MRPS10: variants seen among roughly 807,000 people sequenced by gnomAD.
MRPS10 encodes the protein small ribosomal subunit protein uS10m.
Under a neutral mutation model 27.5 loss-of-function variants are expected in MRPS10, and 23 were observed. The ratio of observed to expected loss-of-function variants is 0.84; its 90% CI spans 0.60 to 1.18. The LOEUF is 1.18. Among genes scored for constraint, MRPS10 ranks in the 50% most tolerant of loss-of-function variants. The pLI is 0.00. For missense variants in MRPS10, 237 were observed against 240.1 expected, an observed-to-expected ratio of 0.99 and a Z score of 0.09; for synonymous variants, 88 against 84.2, an observed-to-expected ratio of 1.04 and a Z score of -0.25.
chr6:42,214,212 G>A lies in MRPS10; in HGVS notation c.114-20C>T, dbSNP rs774514939. On this transcript the variant is annotated intron_variant, in intron 2 of 6. Transcript: ENST00000053468. ...GTACTGCTATGTGTGGGGAAAAAAA[G>A]AGAAACCTAAGTAAAATAGCACAAG... 6.2e-7 allele frequency: 1 copy of A among 1,610,076 alleles called. No individual in the cohort carries two copies. Among genetic ancestry groups the A allele is most frequent in the Admixed American group, 1.7e-5 (1 of 59,718 alleles).
chr6:42,216,413 T>TGTGTGTGTGTGTGTGTGTGTGTGTG (rs371361467), intron 1 of MRPS10, among the ~76,000 whole-genome samples: 21 of 128,442 alleles, frequency 1.6e-4, no homozygotes, highest in South Asian at 2.6e-4. Context: ...TGTGTGTGTG[T>TGTGTGTGTGTGTGTGTGTGTGTGTG]TGGGGGAGTG....
At chr6:42,209,556 T>C (rs1036527378) in intron 5 of MRPS10, among the ~76,000 whole-genome samples, 2 of 151,846 alleles carry the variant, frequency 1.3e-5, no homozygotes, top group African/African-American at 4.8e-5. Context: ...AAGACCAGCC[T>C]GACCAATATG....
chr6:42,208,409 T>A, intron 6 of MRPS10, 37 bp from the exon 7 acceptor site: 2 of 1,431,224 alleles, frequency 1.4e-6, no homozygotes, highest in Non-Finnish European at 1.9e-6. Flanking sequence ...AATGTGGATT[T>A]AACAGAACTC....
Position 42,208,014 on chromosome 6 carries a change from G to C in MRPS10, c.*275C>G. 4.8e-6 allele frequency: 2 copies of C among 412,696 alleles called. No individual in the cohort carries two copies. Among genetic ancestry groups the C allele is most frequent in the Non-Finnish European group, 8.6e-6 (2 of 233,642 alleles). The allele number at this position is 412,696 out of a possible 1,614,324, so 25.6% of individuals were successfully genotyped here. ...AAACTAATAATTGAACACCAGTAGC[G>C]TAACAAAATAGAATTTTCACTCTTT... On this transcript the variant is annotated 3_prime_UTR_variant, in exon 7 of 7. Transcript: ENST00000053468.
intron 3 of MRPS10, among the ~76,000 whole-genome samples, 150 bp downstream of exon 3, chr6:42,213,967 GAGT>G (rs1372008260): frequency 1.3e-5 from 2 of 152,122 alleles, no homozygotes; most frequent in Non-Finnish European, 2.9e-5. Flanking sequence ...ATAATCCAGG[GAGT>G]TAAGAGAATA....
At chr6:42,213,991 G>A (rs1381884679) in intron 3 of MRPS10, 129 bp downstream of exon 3, 2 of 623,228 alleles carry the variant, frequency 3.2e-6, no homozygotes, top group Non-Finnish European at 2.8e-6. Context: ...TATGCGTTGT[G>A]CATTTGCCAG....
At position 42,211,901 on chromosome 6, in the gene MRPS10, T is replaced by C. The variant is rs1372644036; in HGVS notation, c.203A>G (p.Glu68Gly). The C allele has an allele frequency of 8.1e-6, 13 of 1,611,874 alleles. No homozygotes were observed. Among genetic ancestry groups the C allele is most frequent in the South Asian group, 1.1e-5 (1 of 90,378 alleles). Residue 68 changes from glutamate (E) to glycine (G), a missense_variant, in exon 4 of 7, where the codon GAA (glutamate) becomes GGA (glycine). By Grantham distance (98) the Glu-to-Gly change is moderately conservative. This residue lies in a region of MRPS10 where 164 missense variants were observed against 137.8 expected (regional missense o/e 1.19). Transcript: ENST00000053468. ...GAGGCGCTTATATAATATGTCTGGT[T>C]CATCAGAGATTGTTACCTAAAATCC... ...LTKPVVTISD[E>G]PDILYKRLSV...
intron 1 of MRPS10, among the ~76,000 whole-genome samples, chr6:42,215,756 C>T (rs1768906787): frequency 6.6e-6 from 1 of 152,114 alleles, no homozygotes; most frequent in African/African-American, 2.4e-5. Context: ...AGCTTATTGT[C>T]CTTCCTCTCC....
At chr6:42,211,341 T>C (rs1018234327) in intron 4 of MRPS10, among the ~76,000 whole-genome samples, 5 of 152,072 alleles carry the variant, frequency 3.3e-5, no homozygotes, top group African/African-American at 4.8e-5. Flanking sequence ...GGATAACATA[T>C]GACAAACTTA....
chr6:42,216,016 T>TTTTTC (rs1554189164), intron 1 of MRPS10, among the ~76,000 whole-genome samples: 5 of 31,048 alleles, frequency 1.6e-4, no homozygotes, highest in Non-Finnish European at 5.5e-4. Flanking sequence ...TTTTCTTTTT[T>TTTTTC]TTTTCTTTTC....
chr6:42,214,296 T>C lies in MRPS10; in HGVS notation c.97A>G (p.Asn33Asp). The C allele has an allele frequency of 1.2e-6, 2 of 1,613,212 alleles. No homozygotes were observed. The highest frequency in any genetic ancestry group is 1.7e-6 in the Non-Finnish European group (2 of 1,179,466). Residue 33 changes from asparagine to aspartate, a missense_variant, in exon 2 of 7, where the codon AAT becomes GAT. Asn to Asp is a conservative substitution (Grantham distance 23). Around this residue, in one of 3 missense-constraint regions of MRPS10, gnomAD observed 164 missense variants for 137.8 expected, o/e 1.19. Coordinates refer to ENST00000053468, the MANE Select transcript of MRPS10 (RefSeq NM_018141.4). The stretch of plus-strand genomic sequence containing the variant: ...TATACTTACAGAAGCAAGCCACCAT[T>C]TTTGGCTGTATTGCCCTTAGAAGTG... ...VNTSKGNTAK[N>D]GGLLLSTNMK...
Position 42,207,607 on chromosome 6 carries a change from G to A in MRPS10, c.*682C>T, listed in dbSNP as rs1768643644. 1 of 152,284 alleles carries A rather than the reference G, an allele frequency of 6.6e-6. No individual in the cohort carries two copies. Among genetic ancestry groups the A allele is most frequent in the East Asian group, 1.9e-4 (1 of 5,180 alleles). The allele number at this position is 152,284 out of a possible 1,614,324, so 9.4% of individuals were successfully genotyped here. A position where few individuals can be genotyped will look rare whatever the true frequency, so the allele number is the denominator to read the frequency against. On this transcript the variant is annotated 3_prime_UTR_variant, in exon 7 of 7. Transcript: ENST00000053468. ...TGGATGTAAAGTTTATGCAGTAAAA[G>A]CTTATTGAATGAATGAATCATAGGA... is the stretch of plus-strand genomic sequence containing the variant.
intron 1 of MRPS10, among the ~76,000 whole-genome samples, chr6:42,216,385 A>AGAGAGAGAGAGAGTGAGTGTGTGTGT: frequency 1.7e-5 from 1 of 58,642 alleles, no homozygotes. Flanking sequence ...AGAGAGAGAG[A>AGAGAGAGAGAGAGTGAGTGTGTGTGT]GTGTGTGTGT....
intron 5 of MRPS10, among the ~76,000 whole-genome samples, chr6:42,209,599 T>C (rs372580228): frequency 1.8e-4 from 28 of 151,830 alleles, no homozygotes; most frequent in Non-Finnish European, 4.0e-4. Flanking sequence ...AATACAAAAA[T>C]TAGCCAGGCG....
chr6:42,211,150 A>T (rs1768759480), intron 4 of MRPS10, among the ~76,000 whole-genome samples: 1 of 152,242 alleles, frequency 6.6e-6, no homozygotes, highest in Non-Finnish European at 1.5e-5. Context: ...TCCAAGGCTT[A>T]CCTTGTTCAA....
intron 1 of MRPS10, among the ~76,000 whole-genome samples, chr6:42,216,889 G>A (rs1562075662): frequency 6.6e-6 from 1 of 152,106 alleles, no homozygotes; most frequent in Non-Finnish European, 1.5e-5. Context: ...CACTTTCAGG[G>A]GATCCGGGAA....
chr6:42,216,359 TGAGAGAGAGAGA>T lies in MRPS10; in HGVS notation c.48+1431_48+1442del, dbSNP rs373981686. 5.0e-4 allele frequency among the ~76,000 whole-genome samples: 29 copies of T among 58,236 alleles called. 1 individual carries two copies. The highest frequency in any genetic ancestry group is 1.3e-3 in the African/African-American group (29 of 22,186). The allele number at this position is 58,236 out of a possible 152,430, so 38.2% of individuals were successfully genotyped here. A position where few individuals can be genotyped will look rare whatever the true frequency, so the allele number is the denominator to read the frequency against. On this transcript the variant is annotated intron_variant, in intron 1 of 6. Transcript: ENST00000053468. ...AATTGCATTTTTTCTTTGTATTTCTTGAGAGAGAGAGAGAGAGAGAGAGAGAGTGTGTGTGTG... is the reference window on the plus strand; with the variant it reads ...AATTGCATTTTTTCTTTGTATTTCTTGAGAGAGAGAGAGAGTGTGTGTGTG...
At chr6:42,211,975 T>C (rs1463607202) in intron 3 of MRPS10, 58 bp from the exon 4 acceptor site, 1 of 1,508,418 alleles carries the variant, frequency 6.6e-7, no homozygotes, top group African/African-American at 1.4e-5. Context: ...AACTAGCAAA[T>C]TTAAAACATT....
chr6:42,207,671 C>G lies in MRPS10; in HGVS notation c.*618G>C, dbSNP rs1449812724. ...TAGTAATTTCTTAAGATCATAAATT[C>G]CATTACAGTAACCCTGGTAGGCAAC... is the stretch of plus-strand genomic sequence containing the variant. On this transcript the variant is annotated 3_prime_UTR_variant, in exon 7 of 7. Coordinates refer to ENST00000053468, the MANE Select transcript of MRPS10 (RefSeq NM_018141.4). The G allele has an allele frequency of 2.6e-5, 4 of 152,114 alleles. No homozygotes were observed. The highest frequency in any genetic ancestry group is 4.8e-5 in the African/African-American group (2 of 41,400). 9.4% of individuals were successfully genotyped at this position (152,114 alleles called of 1,614,324 possible). A position where few individuals can be genotyped will look rare whatever the true frequency, so the allele number is the denominator to read the frequency against.
Sources: gnomAD v4.1 joint callset for allele counts (sites outside exome capture counted in the v4.1 genomes callset) on GRCh38, gnomAD v4.1.1 for gene constraint, gnomAD v4.1.1 regional missense constraint, MANE v1.5 for transcripts, NCBI Gene and HGNC (gene_info 2026-07-23, HGNC 2026-07-21) for gene names.